The following ZFY variants were observed in gnomAD, a reference collection of about 807,000 sequenced individuals.
The protein encoded by ZFY is zinc finger protein Y-linked, also known as zinc finger Y-chromosomal protein.
For missense variants in ZFY, 113 were observed against 170.9 expected, an observed-to-expected ratio of 0.66 and a Z score of 1.89; for synonymous variants, 47 against 55.8, an observed-to-expected ratio of 0.84 and a Z score of 0.71.
Position 2,958,226 on chromosome Y carries a change from TCATAA to T in ZFY, c.62-2842_62-2838del, listed in dbSNP as rs2051299234. On this transcript the variant is annotated intron_variant, in intron 2 of 7. Coordinates refer to ENST00000155093, the MANE Select transcript of ZFY (RefSeq NM_003411.4). ...CTGCACTGCCCATGTGGTATATAAG[TCATAA>T]CATAATATATTCATAAGTTCTAGTG... 8.9e-5 allele frequency among the ~76,000 whole-genome samples: 3 copies of T among 33,621 alleles called. No individual in the cohort carries two copies. The East Asian group carries it at 2.3e-3, about 26-fold the overall frequency. 90.2% of individuals were successfully genotyped at this position (33,621 alleles called of 37,273 possible). A position where few individuals can be genotyped will look rare whatever the true frequency, so the allele number is the denominator to read the frequency against.
At position 2,950,996 on chromosome Y, in the gene ZFY, G is replaced by A. The variant is rs750382435; in HGVS notation, c.-28-2913G>A. Among the ~76,000 whole-genome samples the A allele has an allele frequency of 2.4e-4, 8 of 33,531 alleles. No individual in the cohort carries two copies. The East Asian group carries it at 6.2e-3, about 26-fold the overall frequency. 90.0% of individuals were successfully genotyped at this position (33,531 alleles called of 37,273 possible). On this transcript the variant is annotated intron_variant, in intron 1 of 7. Transcript: ENST00000155093. ...GCACTATGTCCCTAGGTCACTGATA[G>A]TGACATTTTCCTGCATTTATAAATA... is the stretch of plus-strand genomic sequence containing the variant.
chrY:2,943,477 A>G (rs2051252194), intron 1 of ZFY, among the ~76,000 whole-genome samples: 1 of 32,922 alleles, frequency 3.0e-5, no homozygotes, highest in South Asian at 6.7e-4. Flanking sequence ...ATATATTTTT[A>G]GTAGAGATGT....
intron 3 of ZFY, 96 bp downstream of exon 3, chrY:2,961,742 A>G (rs2051312981): frequency 1.8e-5 from 4 of 224,503 alleles, no homozygotes; most frequent in Non-Finnish European, 2.9e-5. Flanking sequence ...TAACTTCTGT[A>G]AAGTTAAAGT....
chrY:2,948,098 A>C, intron 1 of ZFY, among the ~76,000 whole-genome samples: 1 of 33,971 alleles, frequency 2.9e-5, no homozygotes, highest in African/African-American at 1.1e-4. Context: ...TAAGGAATTA[A>C]AAGATTAAAA....
chrY:2,966,015 A>G (rs2051326465), intron 3 of ZFY, among the ~76,000 whole-genome samples: 2 of 33,812 alleles, frequency 5.9e-5, no homozygotes, highest in Non-Finnish European at 1.5e-4. Flanking sequence ...AACCAATCAT[A>G]ACACACATTA....
In ZFY at chrY:2,977,989, C is replaced by G; in HGVS notation, c.1131C>G (p.Leu377=). The G allele has an allele frequency of 2.5e-6, 1 of 397,424 alleles. No homozygotes were observed. The highest frequency in any genetic ancestry group is 3.0e-5 in the South Asian group (1 of 33,613). ...ACCGGAATGGCACTGCAAGTGCCCT[C>G]TTGCACATAGATGAGTCTGCTGGCC... ...IENRNGTASA[L]LHIDESAGLG... Residue 377 remains leucine (L), a synonymous_variant, in exon 7 of 8, where the codon CTC becomes CTG. Coordinates refer to ENST00000155093, the MANE Select transcript of ZFY (RefSeq NM_003411.4).
chrY:2,943,731 G>A (rs1459342348), intron 1 of ZFY, among the ~76,000 whole-genome samples: 3 of 33,843 alleles, frequency 8.9e-5, no homozygotes, highest in African/African-American at 3.4e-4. Flanking sequence ...ATAAATTAGC[G>A]TGGTTCAATT....
chrY:2,964,851 G>A, intron 3 of ZFY, among the ~76,000 whole-genome samples: 1 of 32,607 alleles, frequency 3.1e-5, no homozygotes, highest in Non-Finnish European at 7.5e-5. Context: ...GGTCAACATA[G>A]TGAGACCCTA....
At chrY:2,940,770 C>T (rs2051239019) in intron 1 of ZFY, among the ~76,000 whole-genome samples, 1 of 33,423 alleles carries the variant, frequency 3.0e-5, no homozygotes. Flanking sequence ...AAAAGTTGGT[C>T]TAGGAACCCA....
chrY:2,943,241 G>A, intron 1 of ZFY, among the ~76,000 whole-genome samples: 1 of 34,581 alleles, frequency 2.9e-5, no homozygotes, highest in Non-Finnish European at 7.2e-5. Flanking sequence ...ATGCCAAACA[G>A]TGTAACTGTA....
chrY:2,953,336 C>CA (rs750662674), intron 1 of ZFY, among the ~76,000 whole-genome samples: 28 of 9,292 alleles, frequency 3.0e-3, no homozygotes, highest in Admixed American at 0.01. Flanking sequence ...GCCCTGTTTA[C>CA]AAAAAAAAAA....
intron 3 of ZFY, among the ~76,000 whole-genome samples, chrY:2,974,397 C>A: frequency 3.1e-5 from 1 of 31,840 alleles, no homozygotes; most frequent in African/African-American, 1.2e-4. Flanking sequence ...GTTGGCCAGG[C>A]TGGTCTCAAA....
chrY:2,936,972 C>G, intron 1 of ZFY, among the ~76,000 whole-genome samples: 1 of 33,127 alleles, frequency 3.0e-5, no homozygotes, highest in Non-Finnish European at 7.4e-5. Context: ...GAGGTCATTA[C>G]AAGAATGAAA....
rs2051316172 is a variant in ZFY, at chrY:2,963,235, T to C, written c.634+1589T>C. The stretch of plus-strand genomic sequence containing the variant: ...TTTAAAACATTGTTTAAGTACACTT[T>C]ACAATCTAAAATATGTTACTGGATT... On this transcript the variant is annotated intron_variant, in intron 3 of 7. Coordinates refer to ENST00000155093, the MANE Select transcript of ZFY (RefSeq NM_003411.4). Among the ~76,000 whole-genome samples the C allele has an allele frequency of 1.5e-4, 5 of 33,504 alleles. No homozygotes were observed. The South Asian group carries it at 3.3e-3, about 22-fold the overall frequency. 89.9% of individuals were successfully genotyped at this position (33,504 alleles called of 37,273 possible). A position where few individuals can be genotyped will look rare whatever the true frequency, so the allele number is the denominator to read the frequency against.
At chrY:2,958,204 C>T (rs928481042) in intron 2 of ZFY, among the ~76,000 whole-genome samples, 2 of 33,754 alleles carry the variant, frequency 5.9e-5, no homozygotes, top group Non-Finnish European at 1.5e-4. Flanking sequence ...ATTTTACCTG[C>T]ACTGCCCATG....
At position 2,961,661 on chromosome Y, in the gene ZFY, A is replaced by G; in HGVS notation, c.634+15A>G. ...AATGATTTCGTGTAAGTCATGGGGTACAGTGATTTTAAGCAATGTTTTTGA... is the reference window on the plus strand; with the variant it reads ...AATGATTTCGTGTAAGTCATGGGGTGCAGTGATTTTAAGCAATGTTTTTGA... On this transcript the variant is annotated intron_variant, in intron 3 of 7. Transcript: ENST00000155093. 1 of 388,532 alleles carries G rather than the reference A, an allele frequency of 2.6e-6. No individual in the cohort carries two copies. The highest frequency in any genetic ancestry group is 9.2e-5 in the East Asian group (1 of 10,832).
intron 1 of ZFY, among the ~76,000 whole-genome samples, chrY:2,936,284 A>G (rs1048080755): frequency 2.3e-4 from 8 of 34,220 alleles, no homozygotes; most frequent in Admixed American, 2.1e-3. Flanking sequence ...CAATTCGGGC[A>G]TCTAGGCTCA....
chrY:2,939,441 C>T lies in ZFY; in HGVS notation c.-29+3672C>T, dbSNP rs771510282. On this transcript the variant is annotated intron_variant, in intron 1 of 7. Coordinates refer to ENST00000155093, the MANE Select transcript of ZFY (RefSeq NM_003411.4). Reference sequence around the variant, plus strand: ...ATCTGGTATTACTCAACGTGTGAAACGGTTCCACAGCAGGTAATTGGTGTG... The same window carrying T: ...ATCTGGTATTACTCAACGTGTGAAATGGTTCCACAGCAGGTAATTGGTGTG... Among the ~76,000 whole-genome samples the T allele has an allele frequency of 9.0e-5, 3 of 33,371 alleles. No homozygotes were observed. In the East Asian group the frequency reaches 2.4e-3, roughly 26 times the overall value. 89.5% of individuals were successfully genotyped at this position (33,371 alleles called of 37,273 possible). A position where few individuals can be genotyped will look rare whatever the true frequency, so the allele number is the denominator to read the frequency against.
At chrY:2,964,322 G>A (rs2051319555) in intron 3 of ZFY, among the ~76,000 whole-genome samples, 1 of 32,504 alleles carries the variant, frequency 3.1e-5, no homozygotes, top group East Asian at 7.8e-4. Context: ...CTTCTGATTG[G>A]GCTTTAGAAA....
Sources: allele counts gnomAD v4.1 joint callset (sites outside exome capture counted in the v4.1 genomes callset), GRCh38; gene constraint gnomAD v4.1.1; transcripts MANE v1.5; gene names NCBI Gene and HGNC (gene_info 2026-07-23, HGNC 2026-07-21).